Variants in CADM2 observed in about 807,000 individuals in gnomAD.
CADM2 encodes immunoglobulin superfamily member 4D.
In CADM2, 12 loss-of-function variants were observed where a neutral mutation model predicts 49.8. The ratio of observed to expected loss-of-function variants is 0.24; its 90% CI spans 0.15 to 0.39. The LOEUF (loss-of-function observed/expected upper bound fraction) is 0.39, where lower values mean the gene tolerates loss of function less well. Ranked by LOEUF, CADM2 falls within the 10% of genes least tolerant of loss-of-function variation. The probability of loss-of-function intolerance (pLI) is 1.00; values close to 1 mark genes in which losing one functional copy is unlikely to be tolerated. For synonymous variants in CADM2, 214 were observed against 175.4 expected (o/e 1.22, Z -1.74); for missense variants, 378 against 492.3 (o/e 0.77, Z 2.20).
chr3:85,737,284 C>T (rs1010755512), intron 2 of CADM2, among the ~76,000 whole-genome samples: 9 of 152,056 alleles, frequency 5.9e-5, no homozygotes, highest in African/African-American at 1.7e-4. Context: ...TTCTCGTAAT[C>T]GAAAATTTCA....
intron 1 of CADM2, among the ~76,000 whole-genome samples, chr3:85,446,946 C>G (rs1237873733): frequency 7.1e-6 from 1 of 141,398 alleles, no homozygotes; most frequent in African/African-American, 2.6e-5. Flanking sequence ...TTATACATCA[C>G]TCTGGTAGCT....
chr3:85,322,790 A>AG (rs2044648703), intron 1 of CADM2, among the ~76,000 whole-genome samples: 1 of 152,138 alleles, frequency 6.6e-6, no homozygotes, highest in South Asian at 2.1e-4. Flanking sequence ...GTGGGTATCC[A>AG]GGGGGAGTCC....
chr3:85,942,482 C>G (rs1288461357), intron 7 of CADM2, among the ~76,000 whole-genome samples: 1 of 125,078 alleles, frequency 8.0e-6, no homozygotes, highest in Non-Finnish European at 1.7e-5. Context: ...TATCCCTCCC[C>G]CCTCCCCCCA....
chr3:85,493,428 T>A (rs1475781167), intron 1 of CADM2, among the ~76,000 whole-genome samples: 1 of 125,480 alleles, frequency 8.0e-6, no homozygotes, highest in Middle Eastern at 4.2e-3. Flanking sequence ...CATTAAATTT[T>A]ATGTTTTTCA....
intron 1 of CADM2, among the ~76,000 whole-genome samples, chr3:85,447,328 T>C (rs77078573): frequency 0.02 from 2,998 of 152,194 alleles, 85 homozygotes; most frequent in African/African-American, 0.067. Context: ...GGTATTATAA[T>C]TTGTGATAGC....
At chr3:86,037,234 C>T (rs12491891) in intron 8 of CADM2, among the ~76,000 whole-genome samples, 46,375 of 151,906 alleles carry the variant, frequency 0.31, 8,416 homozygotes, top group Admixed American at 0.39. Context: ...CCTCCTTGCC[C>T]CCATACTTGC....
At chr3:86,024,887 A>AT (rs1333435251) in intron 8 of CADM2, among the ~76,000 whole-genome samples, 1 of 151,174 alleles carries the variant, frequency 6.6e-6, no homozygotes, top group East Asian at 1.9e-4. Flanking sequence ...TATAATATAT[A>AT]TTTTTTCTTT....
chr3:85,336,826 A>G (rs2045091023), intron 1 of CADM2, among the ~76,000 whole-genome samples: 1 of 148,118 alleles, frequency 6.8e-6, no homozygotes, highest in South Asian at 2.1e-4. Flanking sequence ...TAAAGCTGAT[A>G]AAAATATCAA....
At chr3:85,016,256 G>A (rs2034243266) in intron 1 of CADM2, among the ~76,000 whole-genome samples, 1 of 152,052 alleles carries the variant, frequency 6.6e-6, no homozygotes, top group Non-Finnish European at 1.5e-5. Flanking sequence ...ACTGAAGTAA[G>A]AAACATGTAG....
chr3:85,539,831 G>A (rs2061502022), intron 1 of CADM2, among the ~76,000 whole-genome samples: 1 of 152,010 alleles, frequency 6.6e-6, no homozygotes. Flanking sequence ...AATGGACAGT[G>A]GTGTCGTTGG....
At chr3:85,489,682 A>G (rs188055622) in intron 1 of CADM2, among the ~76,000 whole-genome samples, 40 of 144,520 alleles carry the variant, frequency 2.8e-4, no homozygotes, top group Non-Finnish European at 1.7e-4. Flanking sequence ...AAACAAAACG[A>G]AACAAAAAAA....
At chr3:85,484,485 C>A (rs989401364) in intron 1 of CADM2, among the ~76,000 whole-genome samples, 1 of 151,894 alleles carries the variant, frequency 6.6e-6, no homozygotes, top group Admixed American at 6.6e-5. Context: ...TACAACCTTG[C>A]ATTTTTTGAA....
At chr3:85,593,962 G>A (rs1015793786) in intron 1 of CADM2, among the ~76,000 whole-genome samples, 1 of 151,684 alleles carries the variant, frequency 6.6e-6, no homozygotes, top group Non-Finnish European at 1.5e-5. Flanking sequence ...GATTAACATT[G>A]GAGTTTTATC....
intron 5 of CADM2, among the ~76,000 whole-genome samples, chr3:85,890,839 C>T (rs1714333240): frequency 6.6e-6 from 1 of 151,988 alleles, no homozygotes; most frequent in South Asian, 2.1e-4. Flanking sequence ...TGGTAGGACA[C>T]TTTGAAGAAA....
intron 5 of CADM2, among the ~76,000 whole-genome samples, chr3:85,902,508 C>T (rs1403189121): frequency 1.3e-5 from 2 of 151,610 alleles, no homozygotes; most frequent in Non-Finnish European, 2.9e-5. Flanking sequence ...AATCAACTCA[C>T]CTGTAATCTT....
intron 1 of CADM2, among the ~76,000 whole-genome samples, chr3:85,372,765 G>C (rs1467254826): frequency 1.3e-5 from 2 of 152,106 alleles, no homozygotes; most frequent in African/African-American, 4.8e-5. Context: ...TCAAAATCAT[G>C]GCAGAAGGTA....
rs553198990 is a variant in CADM2 at position 86,014,069 on chromosome 3, C to T, written c.971-51536C>T. The T allele has an allele frequency of 6.2e-6, 8 of 1,298,038 alleles. No homozygotes were observed. The African/African-American group carries it at 8.9e-5, about 14-fold the overall frequency. The allele number at this position is 1,298,038 out of a possible 1,614,324, so 80.4% of individuals were successfully genotyped here. A position where few individuals can be genotyped will look rare whatever the true frequency, so the allele number is the denominator to read the frequency against. On this transcript the variant is annotated intron_variant, in intron 8 of 9. Coordinates refer to ENST00000383699, the MANE Select transcript of CADM2 (RefSeq NM_001167675.2). ...ATGTAATTTCTGTTCTTTTTCACAA[C>T]GGTTAAGAAAGGGGTAAAGAACTGA...
chr3:85,175,206 G>C (rs930941402), intron 1 of CADM2, among the ~76,000 whole-genome samples: 2 of 152,168 alleles, frequency 1.3e-5, no homozygotes, highest in Non-Finnish European at 2.9e-5. Context: ...GTGGAAAGTT[G>C]TATCGTCATA....
chr3:85,819,219 T>C (rs1284752367), intron 3 of CADM2, among the ~76,000 whole-genome samples: 2 of 152,154 alleles, frequency 1.3e-5, no homozygotes, highest in African/African-American at 4.8e-5. Flanking sequence ...TCTTCCACCT[T>C]TTCCTGCCTG....
Sources: allele counts gnomAD v4.1 joint callset (sites outside exome capture counted in the v4.1 genomes callset), GRCh38; gene constraint gnomAD v4.1.1; transcripts MANE v1.5; gene names NCBI Gene and HGNC (gene_info 2026-07-23, HGNC 2026-07-21).